ARHGEF3: variants seen among roughly 807,000 people sequenced by gnomAD.
ARHGEF3 encodes 59.8 kDA protein.
Under a neutral mutation model 63.2 loss-of-function variants are expected in ARHGEF3, and 28 were observed. That is an observed-to-expected ratio of 0.44 (90% CI 0.33 to 0.61). ARHGEF3 has a LOEUF of 0.61. Among genes scored for constraint, ARHGEF3 ranks in the 20% least tolerant of loss-of-function variants. The pLI, the probability that ARHGEF3 is intolerant of heterozygous loss-of-function variation, is 0.03. For missense variants in ARHGEF3, 533 were observed against 659.3 expected (o/e 0.81, Z 2.10); for synonymous variants, 266 against 254.2 (o/e 1.05, Z -0.44).
intron 4 of ARHGEF3, among the ~76,000 whole-genome samples, chr3:56,856,069 G>A (rs1304999837): frequency 1.3e-5 from 2 of 152,214 alleles, no homozygotes; most frequent in East Asian, 1.9e-4. Flanking sequence ...CTGCCGCAGA[G>A]GAGGAAGATG....
upstream of ARHGEF3, chr3:56,802,087 AGGGGCGTG>A: frequency 9.1e-7 from 1 of 1,097,956 alleles, no homozygotes; most frequent in Non-Finnish European, 1.2e-6. Context: ...TGGGGCTGCG[AGGGGCGTG>A]GGGCGGTCCC....
chr3:56,952,780 T>C (rs1353988477), intron 3 of ARHGEF3, among the ~76,000 whole-genome samples: 1 of 152,094 alleles, frequency 6.6e-6, no homozygotes, highest in Admixed American at 6.6e-5. Context: ...TTCATACATC[T>C]AGTAGGGAAG....
At chr3:56,992,407 A>C (rs796696149) in intron 2 of ARHGEF3, among the ~76,000 whole-genome samples, 1,395 of 116,076 alleles carry the variant, frequency 0.012, 13 homozygotes, top group Non-Finnish European at 0.018. Context: ...AAAAAAAAAA[A>C]AAAAAAACAG....
chr3:56,912,427 A>G (rs1417968647), intron 3 of ARHGEF3, among the ~76,000 whole-genome samples: 2 of 152,252 alleles, frequency 1.3e-5, no homozygotes. Flanking sequence ...TAAAGTTATC[A>G]CATAGCACCT....
intron 2 of ARHGEF3, among the ~76,000 whole-genome samples, chr3:57,011,653 G>T (rs1489087180): frequency 6.6e-6 from 1 of 152,120 alleles, no homozygotes; most frequent in African/African-American, 2.4e-5. Context: ...CAGAGCAAAG[G>T]CAGCAGGTAT....
At chr3:57,034,505 T>G (rs545293646) in intron 2 of ARHGEF3, among the ~76,000 whole-genome samples, 16 of 152,082 alleles carry the variant, frequency 1.1e-4, no homozygotes, top group Non-Finnish European at 2.2e-4. Flanking sequence ...ATCACATTGG[T>G]CCTACTTATA....
chr3:56,788,968 G>C (rs1415277944), intron 1 of ARHGEF3, among the ~76,000 whole-genome samples: 1 of 152,028 alleles, frequency 6.6e-6, no homozygotes, highest in Non-Finnish European at 1.5e-5. Flanking sequence ...CAGATGCCTT[G>C]CTAAGTATAA....
intron 4 of ARHGEF3, among the ~76,000 whole-genome samples, chr3:56,880,981 C>T (rs959113259): frequency 4.6e-5 from 7 of 152,120 alleles, no homozygotes; most frequent in African/African-American, 1.2e-4. Flanking sequence ...AGTTCAAGCT[C>T]GCTCCATCAT....
chr3:57,063,069 C>T lies in ARHGEF3; in HGVS notation c.-28+16157G>A, dbSNP rs201319860. On this transcript the variant is annotated intron_variant, in intron 1 of 12. Coordinates refer to the ARHGEF3 transcript ENST00000338458. ...GGATGCAGTGGTAACGGTTTAGACA[C>T]GATGACCAGGGAAGGCTGAAGGAAA... Among the ~76,000 whole-genome samples, 22 of 152,158 alleles carry T rather than the reference C, an allele frequency of 1.4e-4. No homozygotes were observed. In the East Asian group the frequency reaches 1.5e-3, roughly 11 times the overall value.
intron 1 of ARHGEF3, chr3:57,074,073 C>T (rs76587478): frequency 0.033 from 54,049 of 1,613,992 alleles, 1,005 homozygotes; most frequent in Non-Finnish European, 0.037. Context: ...TAACTCTACA[C>T]CTCAATTTCT....
intron 1 of ARHGEF3, among the ~76,000 whole-genome samples, chr3:57,046,931 A>G (rs183687740): frequency 3.7e-4 from 56 of 152,368 alleles, no homozygotes; most frequent in African/African-American, 1.2e-3. Flanking sequence ...ACTAAATGCA[A>G]GAGAAATGTG....
intron 1 of ARHGEF3, among the ~76,000 whole-genome samples, chr3:56,784,957 T>C (rs1202854329): frequency 6.6e-6 from 1 of 152,194 alleles, no homozygotes; most frequent in Non-Finnish European, 1.5e-5. Flanking sequence ...GTGTATAATA[T>C]GCTTGGCAGA....
intron 4 of ARHGEF3, among the ~76,000 whole-genome samples, chr3:56,880,425 T>A (rs2040728792): frequency 6.6e-6 from 1 of 152,084 alleles, no homozygotes; most frequent in Non-Finnish European, 1.5e-5. Context: ...AAAAATCAAA[T>A]CACAATTCAT....
intron 1 of ARHGEF3, among the ~76,000 whole-genome samples, chr3:56,786,834 G>A (rs143932963): frequency 1.1e-3 from 167 of 152,058 alleles, no homozygotes; most frequent in African/African-American, 3.9e-3. Context: ...GGGAAAATGG[G>A]TAGACAGTGG....
At chr3:56,821,617 G>A (rs954844029) in intron 4 of ARHGEF3, among the ~76,000 whole-genome samples, 2 of 152,104 alleles carry the variant, frequency 1.3e-5, no homozygotes, top group Non-Finnish European at 2.9e-5. Context: ...CCTACCAAGA[G>A]CAATACAAAT....
In ARHGEF3 at chr3:57,072,743, A is replaced by G. The variant is rs1289840415; in HGVS notation, c.-28+6483T>C. On this transcript the variant is annotated intron_variant, in intron 1 of 12. Coordinates refer to the ARHGEF3 transcript ENST00000338458. ...GACTCTGTCAAAAAAAAAAAAAAAA[A>G]GAATAAAAATAAATAAAAACAAGCC... 9.0e-5 allele frequency among the ~76,000 whole-genome samples: 13 copies of G among 144,320 alleles called. No individual in the cohort carries two copies. In the East Asian group the frequency reaches 2.6e-3, roughly 28 times the overall value. The allele number at this position is 144,320 out of a possible 152,430, so 94.7% of individuals were successfully genotyped here.
At chr3:56,886,944 G>A (rs1425379906) in intron 3 of ARHGEF3, among the ~76,000 whole-genome samples, 1 of 152,184 alleles carries the variant, frequency 6.6e-6, no homozygotes, top group Non-Finnish European at 1.5e-5. Flanking sequence ...GTCTGGGATG[G>A]CACATCAGAC....
At chr3:57,076,764 T>A (rs1437990092) in intron 1 of ARHGEF3, 1 of 152,240 alleles carries the variant, frequency 6.6e-6, no homozygotes, top group African/African-American at 2.4e-5. Context: ...AGTCAATGGG[T>A]GTTCATTCAC....
intron 2 of ARHGEF3, among the ~76,000 whole-genome samples, chr3:56,985,916 T>G (rs1701518722): frequency 6.6e-6 from 1 of 152,194 alleles, no homozygotes; most frequent in Non-Finnish European, 1.5e-5. Flanking sequence ...CCAGGGACAC[T>G]CAGGGAGGTC....
Sources: allele counts gnomAD v4.1 joint callset (sites outside exome capture counted in the v4.1 genomes callset), GRCh38; gene constraint gnomAD v4.1.1; transcripts MANE v1.5; gene names NCBI Gene and HGNC (gene_info 2026-07-23, HGNC 2026-07-21).